The following CNTNAP5 variants were observed in gnomAD, a reference collection of about 807,000 sequenced individuals.
CNTNAP5 encodes contactin-associated protein-like 5.
CNTNAP5 carries 72 observed loss-of-function variants against 150.2 expected under a neutral mutation model. That is an observed-to-expected ratio of 0.48 (90% CI 0.40 to 0.58). CNTNAP5 has a LOEUF of 0.58. Ranked by LOEUF, CNTNAP5 falls within the 20% of genes least tolerant of loss-of-function variation. CNTNAP5 has a pLI of 0.00. For missense variants in CNTNAP5, 1,636 were observed against 1,626.2 expected (o/e 1.01, Z -0.10); for synonymous variants, 672 against 619.8 (o/e 1.08, Z -1.25).
At chr2:124,726,696 G>C (rs1171688970) in intron 13 of CNTNAP5, among the ~76,000 whole-genome samples, 3 of 151,690 alleles carry the variant, frequency 2.0e-5, no homozygotes, top group East Asian at 3.9e-4. Flanking sequence ...TATTGCTATT[G>C]AGTTGTTTCA....
chr2:124,408,440 C>T (rs1465800167), intron 3 of CNTNAP5, among the ~76,000 whole-genome samples: 2 of 152,194 alleles, frequency 1.3e-5, no homozygotes, highest in African/African-American at 4.8e-5. Context: ...AGGGCACAGA[C>T]AAACAAAAAG....
intron 6 of CNTNAP5, among the ~76,000 whole-genome samples, chr2:124,470,002 T>A (rs113161764): frequency 6.6e-6 from 1 of 152,346 alleles, no homozygotes; most frequent in African/African-American, 2.4e-5. Context: ...AGATTCCATG[T>A]GTTTGCTATT....
intron 10 of CNTNAP5, among the ~76,000 whole-genome samples, chr2:124,541,068 G>C (rs1459482813): frequency 2.0e-5 from 3 of 151,790 alleles, no homozygotes; most frequent in Non-Finnish European, 4.4e-5. Flanking sequence ...CCTCTCCATG[G>C]CTTTCTAAGA....
At chr2:124,448,450 T>C (rs1412784633) in intron 6 of CNTNAP5, among the ~76,000 whole-genome samples, 1 of 152,162 alleles carries the variant, frequency 6.6e-6, no homozygotes, top group Non-Finnish European at 1.5e-5. Context: ...GTGGGGATAC[T>C]GTAGGTTGGG....
rs570363752 is a variant in CNTNAP5, at chr2:124,534,693, C to T, written c.1649+7237C>T. ...ATGGAGACCATCTTGGTCAACATGG[C>T]GAAACCCCGTCTCTACTGAAATACA... On this transcript the variant is annotated intron_variant, in intron 10 of 23. Coordinates refer to ENST00000682447, the MANE Select transcript of CNTNAP5 (RefSeq NM_001367498.1). Among the ~76,000 whole-genome samples the T allele has an allele frequency of 5.3e-5, 8 of 152,028 alleles. No homozygotes were observed. In the South Asian group the frequency reaches 6.2e-4, roughly 12 times the overall value.
chr2:124,438,028 T>A (rs1221208874), intron 5 of CNTNAP5, among the ~76,000 whole-genome samples: 1 of 152,174 alleles, frequency 6.6e-6, no homozygotes, highest in Non-Finnish European at 1.5e-5. Flanking sequence ...AGGATGGCAC[T>A]GGGGACATAC....
At chr2:124,491,554 T>C (rs1282669891) in intron 7 of CNTNAP5, among the ~76,000 whole-genome samples, 1 of 152,040 alleles carries the variant, frequency 6.6e-6, no homozygotes, top group Non-Finnish European at 1.5e-5. Flanking sequence ...GCAATGAACA[T>C]GAGAGTGCGC....
chr2:124,169,015 C>T (rs1160866121), intron 1 of CNTNAP5, among the ~76,000 whole-genome samples: 3 of 152,150 alleles, frequency 2.0e-5, no homozygotes, highest in African/African-American at 7.2e-5. Flanking sequence ...AATCACGATG[C>T]CCACTTAGAA....
intron 4 of CNTNAP5, among the ~76,000 whole-genome samples, chr2:124,431,912 C>T (rs1472367053): frequency 6.6e-6 from 1 of 152,076 alleles, no homozygotes; most frequent in African/African-American, 2.4e-5. Context: ...GAGGGCTCCT[C>T]TCCTTAGTTT....
At chr2:124,054,126 AC>A (rs1343160599) in intron 1 of CNTNAP5, among the ~76,000 whole-genome samples, 2 of 152,154 alleles carry the variant, frequency 1.3e-5, no homozygotes, top group Non-Finnish European at 1.5e-5. Flanking sequence ...CTTGAAGAAC[AC>A]CAAGAAGCAA....
chr2:124,827,176 G>T (rs529768886), intron 19 of CNTNAP5, among the ~76,000 whole-genome samples: 1 of 152,048 alleles, frequency 6.6e-6, no homozygotes, highest in Admixed American at 6.6e-5. Context: ...ATCTTGTCTC[G>T]GCCTCCCAAA....
chr2:124,234,246 G>T (rs1202211979), intron 2 of CNTNAP5, among the ~76,000 whole-genome samples: 3 of 152,124 alleles, frequency 2.0e-5, no homozygotes, highest in African/African-American at 7.2e-5. Flanking sequence ...AGCAGCAGAT[G>T]GGCAGAGTTA....
chr2:124,816,589 T>G (rs1258429835), intron 19 of CNTNAP5, among the ~76,000 whole-genome samples: 2 of 151,582 alleles, frequency 1.3e-5, no homozygotes, highest in East Asian at 3.9e-4. Flanking sequence ...GTGATTCTTC[T>G]GCCTCAGCCT....
At chr2:124,099,531 C>T (rs913059341) in intron 1 of CNTNAP5, among the ~76,000 whole-genome samples, 1 of 152,178 alleles carries the variant, frequency 6.6e-6, no homozygotes, top group South Asian at 2.1e-4. Flanking sequence ...CACCTTGAAT[C>T]CAGTTCTAAT....
chr2:124,220,150 A>C (rs937478770), intron 1 of CNTNAP5, among the ~76,000 whole-genome samples: 1 of 152,082 alleles, frequency 6.6e-6, no homozygotes, highest in Non-Finnish European at 1.5e-5. Context: ...TTCTTTAAAA[A>C]AAAAAATAAA....
chr2:124,035,957 G>A (rs893603205), intron 1 of CNTNAP5, among the ~76,000 whole-genome samples: 1 of 116,230 alleles, frequency 8.6e-6, no homozygotes, highest in African/African-American at 3.4e-5. Flanking sequence ...TCGCTCTGTC[G>A]CCCAGGCCGG....
Position 124,032,486 on chromosome 2 carries a change from G to C in CNTNAP5, c.82+6754G>C, listed in dbSNP as rs116123350. Among the ~76,000 whole-genome samples the C allele has an allele frequency of 5.8e-3, 876 of 152,132 alleles. 8 individuals are homozygous for C. The highest frequency in any genetic ancestry group is 0.02 in the African/African-American group (817 of 41,470). On this transcript the variant is annotated intron_variant, in intron 1 of 23. Transcript: ENST00000682447. Reference sequence around the variant, plus strand: ...ACCAAGACTGGTGGCAAGAAAACCAGTTAAGAGATGATTACAATAACTCAA... The same window carrying C: ...ACCAAGACTGGTGGCAAGAAAACCACTTAAGAGATGATTACAATAACTCAA...
At chr2:124,863,376 C>T (rs1434889015) in intron 19 of CNTNAP5, among the ~76,000 whole-genome samples, 1 of 152,206 alleles carries the variant, frequency 6.6e-6, no homozygotes, top group Non-Finnish European at 1.5e-5. Flanking sequence ...TGACTCGCCC[C>T]TACCAGCTCC....
intron 3 of CNTNAP5, among the ~76,000 whole-genome samples, chr2:124,374,464 C>T (rs1294581309): frequency 1.3e-5 from 2 of 152,052 alleles, no homozygotes; most frequent in African/African-American, 2.4e-5. Flanking sequence ...TCTGTGAGTA[C>T]TAAGAGAAGA....
Sources: allele counts gnomAD v4.1 joint callset (sites outside exome capture counted in the v4.1 genomes callset), GRCh38; gene constraint gnomAD v4.1.1; transcripts MANE v1.5; gene names NCBI Gene and HGNC (gene_info 2026-07-23, HGNC 2026-07-21).